ZNF385D: variants seen among roughly 807,000 people sequenced by gnomAD.
ZNF385D encodes zinc finger protein 659.
A neutral mutation model predicts 35.8 loss-of-function variants in ZNF385D; 15 were observed. That is an observed-to-expected ratio of 0.42 (90% CI 0.28 to 0.64). The LOEUF (loss-of-function observed/expected upper bound fraction) is 0.64, where lower values mean the gene tolerates loss of function less well. Among genes scored for constraint, ZNF385D ranks in the 30% least tolerant of loss-of-function variants. The pLI, the probability that ZNF385D is intolerant of heterozygous loss-of-function variation, is 0.23. For missense variants in ZNF385D, 474 were observed against 494.6 expected (o/e 0.96, Z 0.39); for synonymous variants, 212 against 186.8 (o/e 1.13, Z -1.10).
chr3:21,583,741 T>C (rs2063730787), intron 2 of ZNF385D, among the ~76,000 whole-genome samples: 1 of 151,310 alleles, frequency 6.6e-6, no homozygotes, highest in Admixed American at 6.6e-5. Flanking sequence ...CAGTTATTTT[T>C]ATTCATTCAA....
At chr3:21,816,388 T>C (rs897293248) in intron 3 of ZNF385D, among the ~76,000 whole-genome samples, 14 of 152,192 alleles carry the variant, frequency 9.2e-5, no homozygotes, top group African/African-American at 3.1e-4. Context: ...GGAAGTCAAA[T>C]TGTTCCTGTG....
At chr3:21,998,363 C>G (rs1310682481) in intron 3 of ZNF385D, among the ~76,000 whole-genome samples, 1 of 152,178 alleles carries the variant, frequency 6.6e-6, no homozygotes, top group Non-Finnish European at 1.5e-5. Flanking sequence ...TCTTTCCTGA[C>G]CAAAGCCAAG....
intron 3 of ZNF385D, among the ~76,000 whole-genome samples, chr3:21,786,909 A>G (rs1241341001): frequency 6.6e-6 from 1 of 152,218 alleles, no homozygotes; most frequent in African/African-American, 2.4e-5. Context: ...TTGGGGAATT[A>G]TGCTACAAAG....
At chr3:22,198,109 G>A (rs1696541007) in intron 2 of ZNF385D, among the ~76,000 whole-genome samples, 1 of 152,038 alleles carries the variant, frequency 6.6e-6, no homozygotes, top group African/African-American at 2.4e-5. Flanking sequence ...GATTAAAAAT[G>A]GAGAACAGAC....
At chr3:21,480,100 ATTTT>A (rs369558911) in intron 4 of ZNF385D, among the ~76,000 whole-genome samples, 2 of 133,568 alleles carry the variant, frequency 1.5e-5, no homozygotes, top group African/African-American at 2.8e-5. Flanking sequence ...GAATGTAAGA[ATTTT>A]TTTTTTTTTT....
At chr3:21,423,779 A>T (rs1175782027) in intron 7 of ZNF385D, among the ~76,000 whole-genome samples, 184 bp downstream of exon 7, 1 of 152,218 alleles carries the variant, frequency 6.6e-6, no homozygotes, top group Non-Finnish European at 1.5e-5. Flanking sequence ...TCATGGGATT[A>T]CTTACTTGAC....
At chr3:21,913,812 T>C (rs943050181) in intron 3 of ZNF385D, among the ~76,000 whole-genome samples, 1 of 152,060 alleles carries the variant, frequency 6.6e-6, no homozygotes, top group African/African-American at 2.4e-5. Context: ...ACAATACTAA[T>C]TCATCATAGA....
In ZNF385D at chr3:21,925,327, A is replaced by T. The variant is rs141047730; in HGVS notation, c.325+243490T>A. Among the ~76,000 whole-genome samples the T allele has an allele frequency of 1.9e-3, 293 of 152,280 alleles. 1 individual carries two copies. Among genetic ancestry groups the T allele is most frequent in the African/African-American group, 6.8e-3 (281 of 41,576 alleles). On this transcript the variant is annotated intron_variant, in intron 3 of 5. Transcript: ENST00000494108. ...CAGATCAATGAAGCTGAATCCACAG[A>T]CAGACCCACACAAACATGCCTAACC...
intron 3 of ZNF385D, among the ~76,000 whole-genome samples, chr3:21,760,486 G>A (rs1013890216): frequency 6.6e-6 from 1 of 152,142 alleles, no homozygotes; most frequent in Admixed American, 6.5e-5. Context: ...TATGCAGTGG[G>A]ACGTTATTAC....
chr3:21,607,439 A>G (rs905014239), intron 2 of ZNF385D, among the ~76,000 whole-genome samples: 1 of 152,214 alleles, frequency 6.6e-6, no homozygotes, highest in African/African-American at 2.4e-5. Flanking sequence ...ACCATTCTAT[A>G]TATAACAAGT....
chr3:22,270,262 T>A (rs776068777), intron 2 of ZNF385D, among the ~76,000 whole-genome samples: 1 of 151,988 alleles, frequency 6.6e-6, no homozygotes, highest in Non-Finnish European at 1.5e-5. Context: ...AAAATTGCCC[T>A]CAATTGCCTA....
chr3:22,170,342 T>C (rs1694326319), intron 2 of ZNF385D, among the ~76,000 whole-genome samples: 1 of 152,160 alleles, frequency 6.6e-6, no homozygotes, highest in Admixed American at 6.5e-5. Context: ...AGATAACAAA[T>C]GCTGAAATGT....
At chr3:22,112,226 G>C (rs74747800) in intron 3 of ZNF385D, among the ~76,000 whole-genome samples, 8 of 152,048 alleles carry the variant, frequency 5.3e-5, no homozygotes, top group Non-Finnish European at 7.4e-5. Flanking sequence ...CTTTAGCTGC[G>C]TATTTAAACC....
At chr3:22,210,896 A>G (rs1697476676) in intron 2 of ZNF385D, among the ~76,000 whole-genome samples, 1 of 152,024 alleles carries the variant, frequency 6.6e-6, no homozygotes, top group South Asian at 2.1e-4. Context: ...TGACTGATTC[A>G]GCAAAATAAT....
intron 2 of ZNF385D, among the ~76,000 whole-genome samples, chr3:21,566,466 C>CAA (rs1202800856): frequency 2.6e-5 from 4 of 152,046 alleles, no homozygotes; most frequent in Middle Eastern, 3.4e-3. Flanking sequence ...TCTTTACTAA[C>CAA]AAAGTACAAA....
intron 3 of ZNF385D, among the ~76,000 whole-genome samples, chr3:21,913,206 G>T (rs550210675): frequency 6.6e-6 from 1 of 152,232 alleles, no homozygotes; most frequent in East Asian, 1.9e-4. Flanking sequence ...GTTCAGTGAG[G>T]AAGGGAAGGT....
chr3:21,874,008 G>C lies in ZNF385D; in HGVS notation c.326-208980C>G, dbSNP rs559682102. Among the ~76,000 whole-genome samples, 16 of 148,874 alleles carry C rather than the reference G, an allele frequency of 1.1e-4. No homozygotes were observed. In the South Asian group the frequency reaches 3.4e-3, roughly 31 times the overall value. On this transcript the variant is annotated intron_variant, in intron 3 of 5. Transcript: ENST00000494108. ...ATTTTTTTTTTTGTATAAATACCCA[G>C]AATTAGAATTGTTAAATCATATGGT...
At chr3:21,691,337 C>G (rs573435285) in intron 1 of ZNF385D, among the ~76,000 whole-genome samples, 1 of 152,156 alleles carries the variant, frequency 6.6e-6, no homozygotes, top group Admixed American at 6.5e-5. Flanking sequence ...TTTTATTCTT[C>G]CCCAGTCTAC....
chr3:21,529,594 C>T (rs1174024604), intron 3 of ZNF385D, among the ~76,000 whole-genome samples: 1 of 152,010 alleles, frequency 6.6e-6, no homozygotes, highest in African/African-American at 2.4e-5. Context: ...GATCTTAAGT[C>T]CCTTTGGCAA....
Sources: allele counts gnomAD v4.1 joint callset (sites outside exome capture counted in the v4.1 genomes callset), GRCh38; gene constraint gnomAD v4.1.1; transcripts MANE v1.5; gene names NCBI Gene and HGNC (gene_info 2026-07-23, HGNC 2026-07-21).